Variants in ST6GALNAC3 observed in about 807,000 individuals in gnomAD.
ST6GALNAC3 encodes the protein ST6 N-acetylgalactosaminide alpha-2,6-sialyltransferase 3, also known as alpha-N-acetylgalactosaminide alpha-2,6-sialyltransferase 3.
A neutral mutation model predicts 32.7 loss-of-function variants in ST6GALNAC3; 25 were observed. That is an observed-to-expected ratio of 0.76 (90% CI 0.56 to 1.07). The LOEUF (loss-of-function observed/expected upper bound fraction) is 1.07. Among genes scored for constraint, ST6GALNAC3 ranks in the 50% least tolerant of loss-of-function variants. The pLI, the probability that ST6GALNAC3 is intolerant of heterozygous loss-of-function variation, is 0.00. For missense variants in ST6GALNAC3, 355 were observed against 382.4 expected (o/e 0.93, Z 0.60); for synonymous variants, 129 against 133.1 (o/e 0.97, Z 0.21).
At chr1:76,388,776 G>A (rs959868110) in intron 2 of ST6GALNAC3, among the ~76,000 whole-genome samples, 1 of 152,050 alleles carries the variant, frequency 6.6e-6, no homozygotes. Flanking sequence ...TTTAAATGTG[G>A]TCACATTTCT....
At chr1:76,465,864 G>A (rs1658590931) in intron 3 of ST6GALNAC3, among the ~76,000 whole-genome samples, 1 of 151,850 alleles carries the variant, frequency 6.6e-6, no homozygotes, top group Admixed American at 6.6e-5. Flanking sequence ...GACGTTCTGG[G>A]TCTATGGTCT....
At chr1:76,514,191 T>C (rs1470757158) in intron 3 of ST6GALNAC3, among the ~76,000 whole-genome samples, 5 of 152,172 alleles carry the variant, frequency 3.3e-5, no homozygotes, top group Non-Finnish European at 5.9e-5. Flanking sequence ...ACATTCAGTA[T>C]TGTGTTGTGG....
intron 3 of ST6GALNAC3, among the ~76,000 whole-genome samples, chr1:76,571,636 A>G (rs1240569269): frequency 2.0e-5 from 3 of 152,174 alleles, no homozygotes; most frequent in Admixed American, 6.6e-5. Context: ...ATTGAAGAAT[A>G]ACTAGGATTA....
intron 1 of ST6GALNAC3, among the ~76,000 whole-genome samples, chr1:76,119,707 T>C (rs965821046): frequency 6.6e-6 from 1 of 152,258 alleles, no homozygotes; most frequent in Non-Finnish European, 1.5e-5. Flanking sequence ...ATAGTAACTA[T>C]AACAATTAAG....
At chr1:76,265,007 C>T (rs1658448683) in intron 1 of ST6GALNAC3, among the ~76,000 whole-genome samples, 3 of 151,630 alleles carry the variant, frequency 2.0e-5, no homozygotes, top group African/African-American at 7.3e-5. Flanking sequence ...AGTAAGTTAC[C>T]TATTCCTGAT....
chr1:76,347,567 A>G (rs1225150208), intron 2 of ST6GALNAC3, among the ~76,000 whole-genome samples: 2 of 152,136 alleles, frequency 1.3e-5, no homozygotes, highest in African/African-American at 2.4e-5. Context: ...AAAGCAATTG[A>G]TGGTATCTAA....
chr1:76,452,429 T>G lies in ST6GALNAC3; in HGVS notation c.623+40012T>G, dbSNP rs1356124875. Among the ~76,000 whole-genome samples, 4 of 152,148 alleles carry G rather than the reference T, an allele frequency of 2.6e-5. No homozygotes were observed. In the East Asian group the frequency reaches 5.8e-4, roughly 22 times the overall value. On this transcript the variant is annotated intron_variant, in intron 3 of 4. Transcript: ENST00000328299. ...TGAAAACAAACAAATACAGATGGCT[T>G]TTATTGCATTAAGTTATGTCCCTTC... is the stretch of plus-strand genomic sequence containing the variant.
chr1:76,356,403 A>G (rs564720082), intron 2 of ST6GALNAC3, among the ~76,000 whole-genome samples: 1 of 141,618 alleles, frequency 7.1e-6, no homozygotes, highest in Admixed American at 7.7e-5. Flanking sequence ...CCCGATCTAG[A>G]CTCTGGTGAT....
At chr1:76,600,976 G>T (rs1647217030) in intron 3 of ST6GALNAC3, among the ~76,000 whole-genome samples, 1 of 152,122 alleles carries the variant, frequency 6.6e-6, no homozygotes, top group Non-Finnish European at 1.5e-5. Flanking sequence ...TTAGCCCAGA[G>T]TTTGAGACCA....
chr1:76,090,073 T>C (rs1647024020), intron 1 of ST6GALNAC3, among the ~76,000 whole-genome samples: 1 of 152,208 alleles, frequency 6.6e-6, no homozygotes, highest in Non-Finnish European at 1.5e-5. Context: ...GGTTTCTCCA[T>C]TGTAAGTGCT....
downstream of ST6GALNAC3, among the ~76,000 whole-genome samples, chr1:76,635,039 T>C (rs551527199): frequency 3.3e-5 from 5 of 152,166 alleles, no homozygotes; most frequent in African/African-American, 1.2e-4. Flanking sequence ...CAAGAGAAAA[T>C]GTTGGTCTGC....
intron 1 of ST6GALNAC3, among the ~76,000 whole-genome samples, chr1:76,242,214 C>A (rs1270882891): frequency 6.6e-6 from 1 of 151,944 alleles, no homozygotes; most frequent in Non-Finnish European, 1.5e-5. Context: ...CTTTTAAATT[C>A]ATTTTTTTTA....
intron 1 of ST6GALNAC3, among the ~76,000 whole-genome samples, chr1:76,184,765 A>G (rs768284750): frequency 6.6e-6 from 1 of 152,172 alleles, no homozygotes; most frequent in Non-Finnish European, 1.5e-5. Flanking sequence ...TGGACAGAGG[A>G]TGCTCATTGC....
At chr1:76,099,202 A>C (rs959512574) in intron 1 of ST6GALNAC3, among the ~76,000 whole-genome samples, 8 of 151,962 alleles carry the variant, frequency 5.3e-5, no homozygotes, top group Non-Finnish European at 1.2e-4. Flanking sequence ...ATAGAGCCAA[A>C]CCTCCCACCT....
At chr1:76,314,482 G>T (rs940598754) in intron 2 of ST6GALNAC3, among the ~76,000 whole-genome samples, 1 of 152,068 alleles carries the variant, frequency 6.6e-6, no homozygotes, top group African/African-American at 2.4e-5. Context: ...GAGATAATGG[G>T]ATTTAAAGAG....
At chr1:76,539,866 G>T (rs1456605188) in intron 3 of ST6GALNAC3, among the ~76,000 whole-genome samples, 1 of 152,192 alleles carries the variant, frequency 6.6e-6, no homozygotes, top group African/African-American at 2.4e-5. Context: ...ATAGATGTTG[G>T]TGAGGCTGAG....
In ST6GALNAC3 at chr1:76,338,839, A is replaced by C. The variant is rs144498072; in HGVS notation, c.213+24840A>C. Among the ~76,000 whole-genome samples the C allele has an allele frequency of 4.2e-3, 636 of 152,294 alleles. 7 individuals carry two copies. Among genetic ancestry groups the C allele is most frequent in the African/African-American group, 0.015 (604 of 41,558 alleles). On this transcript the variant is annotated intron_variant, in intron 2 of 4. Coordinates refer to ENST00000328299, the MANE Select transcript of ST6GALNAC3 (RefSeq NM_152996.4). ...AAGTCCATATTCTCTTTGTTGACAA[A>C]TAAAGAAAATAAGGTGTGGGCATCA...
rs1649429690 is a variant in ST6GALNAC3, at chr1:76,634,130, A to G, written c.*5324A>G. ...GAAAACCTCTTCTTTCTCCACAGATACATCTCTTTTTGTTCACGCCTTGAA... is the reference window on the plus strand; with the variant it reads ...GAAAACCTCTTCTTTCTCCACAGATGCATCTCTTTTTGTTCACGCCTTGAA... On this transcript the variant is annotated 3_prime_UTR_variant, in exon 5 of 5. Transcript: ENST00000328299. 1 of 984,576 alleles carries G rather than the reference A, an allele frequency of 1.0e-6. No homozygotes were observed. The highest frequency in any genetic ancestry group is 1.2e-6 in the Non-Finnish European group (1 of 829,484). 61.0% of individuals were successfully genotyped at this position (984,576 alleles called of 1,614,324 possible).
intron 3 of ST6GALNAC3, among the ~76,000 whole-genome samples, chr1:76,448,529 C>T (rs960555367): frequency 6.6e-6 from 1 of 152,034 alleles, no homozygotes; most frequent in Non-Finnish European, 1.5e-5. Flanking sequence ...GCTCTGTGTC[C>T]CTACCCAAAT....
Sources: gnomAD v4.1 joint callset for allele counts (sites outside exome capture counted in the v4.1 genomes callset) on GRCh38, gnomAD v4.1.1 for gene constraint, MANE v1.5 for transcripts, NCBI Gene and HGNC (gene_info 2026-07-23, HGNC 2026-07-21) for gene names.